Variants in LYPLAL1 observed in about 807,000 individuals in gnomAD.
LYPLAL1 encodes lysophospholipase-like protein 1.
LYPLAL1 carries 23 observed loss-of-function variants against 19.7 expected under a neutral mutation model. The observed-to-expected ratio is 1.17, with a 90% CI of 0.84 to 1.65. The LOEUF is 1.65. Ranked by LOEUF, LYPLAL1 falls within the 40% of genes most tolerant of loss-of-function variation. LYPLAL1 has a pLI of 0.00. For missense variants in LYPLAL1, 355 were observed against 279.4 expected (o/e 1.27, Z -1.93); for synonymous variants, 119 against 96.3 (o/e 1.24, Z -1.38).
chr1:219,350,901 C>G, the LYPLAL1 span, among the ~76,000 whole-genome samples: 1 of 152,138 alleles, frequency 6.6e-6, no homozygotes. Flanking sequence ...GCATTTGCTG[C>G]TGAAACCAAT....
chr1:219,177,377 T>C (rs1376181817), intron 1 of LYPLAL1, among the ~76,000 whole-genome samples: 1 of 152,184 alleles, frequency 6.6e-6, no homozygotes, highest in Non-Finnish European at 1.5e-5. Flanking sequence ...GAAAGGAGTC[T>C]TTAATAATGT....
chr1:219,324,939 A>G, the LYPLAL1 span, among the ~76,000 whole-genome samples: 3 of 152,188 alleles, frequency 2.0e-5, no homozygotes, highest in Non-Finnish European at 4.4e-5. Flanking sequence ...TTTCAAGCTG[A>G]CATGCTGTTC....
At chr1:219,374,255 G>A in the LYPLAL1 span, among the ~76,000 whole-genome samples, 2 of 151,680 alleles carry the variant, frequency 1.3e-5, no homozygotes, top group Non-Finnish European at 2.9e-5. Context: ...GAGAACGGCT[G>A]AATCTTTATG....
At position 219,173,954 on chromosome 1, in the gene LYPLAL1, G is replaced by A. The variant is rs145702163; in HGVS notation, c.64G>A (p.Ala22Thr). The part of the protein sequence containing the change: ...CIVSPAGRHS[A>T]SLIFLHGSGD... ...CGTGTCGCCGGCAGGGAGGCATAGC[G>A]CCTCTCTGATCTTCCTGCATGGCTC... Residue 22 changes from alanine (A) to threonine (T), a missense_variant, in exon 1 of 5, where the codon GCC becomes ACC. By Grantham distance (58) the Ala-to-Thr change is moderately conservative. Coordinates refer to ENST00000366928, the MANE Select transcript of LYPLAL1 (RefSeq NM_138794.5). The A allele has an allele frequency of 2.2e-5, 35 of 1,613,890 alleles. No individual in the cohort carries two copies. Among genetic ancestry groups the A allele is most frequent in the Non-Finnish European group, 3.0e-5 (35 of 1,179,972 alleles).
chr1:219,180,822 A>G (rs1251822591), intron 2 of LYPLAL1, among the ~76,000 whole-genome samples: 1 of 152,184 alleles, frequency 6.6e-6, no homozygotes, highest in East Asian at 1.9e-4. Flanking sequence ...TATTTCTCAA[A>G]CTTTAGGCCA....
chr1:219,328,213 C>T, the LYPLAL1 span, among the ~76,000 whole-genome samples: 1 of 152,168 alleles, frequency 6.6e-6, no homozygotes, highest in Non-Finnish European at 1.5e-5. Flanking sequence ...CAGTTTCTGA[C>T]ATCTGGGTTG....
At chr1:219,365,097 G>A in the LYPLAL1 span, among the ~76,000 whole-genome samples, 1 of 152,026 alleles carries the variant, frequency 6.6e-6, no homozygotes, top group Non-Finnish European at 1.5e-5. Flanking sequence ...CAGTGCTGCA[G>A]CAAAGGTATG....
the LYPLAL1 span, among the ~76,000 whole-genome samples, chr1:219,302,525 A>C: frequency 2.6e-5 from 4 of 152,300 alleles, no homozygotes; most frequent in Admixed American, 6.5e-5. Flanking sequence ...TGGCTTCATC[A>C]CTACAGAGAG....
At chr1:219,282,296 A>C in the LYPLAL1 span, among the ~76,000 whole-genome samples, 4 of 152,132 alleles carry the variant, frequency 2.6e-5, no homozygotes, top group African/African-American at 9.7e-5. Flanking sequence ...AGTAGAACAA[A>C]AATTAAAGAA....
chr1:219,307,042 GTA>G, the LYPLAL1 span, among the ~76,000 whole-genome samples: 81 of 42,586 alleles, frequency 1.9e-3, 4 homozygotes, highest in East Asian at 1.2e-3. Flanking sequence ...ATATATATAT[GTA>G]TATATATATA....
the LYPLAL1 span, among the ~76,000 whole-genome samples, chr1:219,420,250 A>G: frequency 8.5e-5 from 13 of 152,256 alleles, no homozygotes; most frequent in Non-Finnish European, 1.3e-4. Context: ...TCTTGTTGAA[A>G]TTCAGAAAAT....
chr1:219,316,010 G>C, the LYPLAL1 span, among the ~76,000 whole-genome samples: 1 of 152,094 alleles, frequency 6.6e-6, no homozygotes, highest in Non-Finnish European at 1.5e-5. Flanking sequence ...CTACATGTAC[G>C]TATAAGGACA....
At chr1:219,382,841 T>C in the LYPLAL1 span, among the ~76,000 whole-genome samples, 2 of 151,752 alleles carry the variant, frequency 1.3e-5, no homozygotes, top group African/African-American at 2.4e-5. Context: ...ATAGAAAACA[T>C]TTACATTAAA....
At chr1:219,385,864 C>T in the LYPLAL1 span, among the ~76,000 whole-genome samples, 1 of 152,178 alleles carries the variant, frequency 6.6e-6, no homozygotes, top group Non-Finnish European at 1.5e-5. Flanking sequence ...ATTGCTTCAT[C>T]TATTTTTTTT....
At chr1:219,240,120 G>C in the LYPLAL1 span, among the ~76,000 whole-genome samples, 1 of 152,184 alleles carries the variant, frequency 6.6e-6, no homozygotes, top group South Asian at 2.1e-4. Context: ...TGTCTGTGTG[G>C]TTTTCATAGC....
At chr1:219,370,085 T>A in the LYPLAL1 span, among the ~76,000 whole-genome samples, 26 of 152,330 alleles carry the variant, frequency 1.7e-4, no homozygotes, top group African/African-American at 4.6e-4. Flanking sequence ...AAGCAAGAAT[T>A]GCCTTTTTGA....
chr1:219,229,138 G>T, the LYPLAL1 span, among the ~76,000 whole-genome samples: 147,105 of 151,970 alleles, frequency 0.97, 71,393 homozygotes, highest in East Asian at 1. Context: ...TTGAGCTATT[G>T]AGAGTAAGTA....
the LYPLAL1 span, among the ~76,000 whole-genome samples, chr1:219,280,344 CTAT>C: frequency 6.6e-6 from 1 of 152,126 alleles, no homozygotes; most frequent in Non-Finnish European, 1.5e-5. Context: ...GGAATAGAAG[CTAT>C]TATTATAACA....
chr1:219,302,922 A>T, the LYPLAL1 span, among the ~76,000 whole-genome samples: 1 of 152,068 alleles, frequency 6.6e-6, no homozygotes. Context: ...GATCTTTGAG[A>T]TCTTTCTTGA....
Sources: allele counts gnomAD v4.1 joint callset (sites outside exome capture counted in the v4.1 genomes callset), GRCh38; gene constraint gnomAD v4.1.1; transcripts MANE v1.5; gene names NCBI Gene and HGNC (gene_info 2026-07-23, HGNC 2026-07-21).